The following DIAPH3 variants were observed in gnomAD, a reference collection of about 807,000 sequenced individuals.
DIAPH3 encodes diaphanous related formin 3.
DIAPH3 carries 117 observed loss-of-function variants against 144.3 expected under a neutral mutation model. The ratio of observed to expected loss-of-function variants is 0.81; its 90% confidence interval spans 0.70 to 0.95. The LOEUF is 0.95. DIAPH3 is among the 40% of genes least tolerant of loss of function. DIAPH3 has a pLI of 0.00. For synonymous variants in DIAPH3, 519 were observed against 488.9 expected (o/e 1.06, Z -0.81); for missense variants, 1,421 against 1,412.7 (o/e 1.01, Z -0.09).
At chr13:59,732,464 A>G (rs1168008914) in intron 27 of DIAPH3, among the ~76,000 whole-genome samples, 1 of 149,896 alleles carries the variant, frequency 6.7e-6, no homozygotes, top group Non-Finnish European at 1.5e-5. Context: ...TTTTTTTGAG[A>G]CAGAGTCTCA....
At chr13:59,795,066 TCTC>T (rs1255563841) in intron 25 of DIAPH3, among the ~76,000 whole-genome samples, 4 of 152,200 alleles carry the variant, frequency 2.6e-5, no homozygotes, top group East Asian at 1.9e-4. Context: ...GCTCCACACA[TCTC>T]CTCACTCTGT....
chr13:59,896,006 C>T (rs2046072289), intron 20 of DIAPH3, among the ~76,000 whole-genome samples: 1 of 152,178 alleles, frequency 6.6e-6, no homozygotes, highest in South Asian at 2.1e-4. Flanking sequence ...CTTTTTCCCA[C>T]CTCCTGTGTG....
Position 59,980,658 on chromosome 13 carries a change from C to T in DIAPH3, c.1545+137G>A, listed in dbSNP as rs941473985. On this transcript the variant is annotated intron_variant, in intron 14 of 27. Coordinates refer to ENST00000400324, the MANE Select transcript of DIAPH3 (RefSeq NM_001042517.2). ...AAGACTTTTTAGATACAGTAGTCCT[C>T]CTTGGTGGAGGGCATCTATGCACAC... The T allele has an allele frequency of 9.2e-6, 7 of 761,764 alleles. No homozygotes were observed. The African/African-American group carries it at 1.2e-4, about 13-fold the overall frequency. The allele number at this position is 761,764 out of a possible 1,614,324, so 47.2% of individuals were successfully genotyped here. A position where few individuals can be genotyped will look rare whatever the true frequency, so the allele number is the denominator to read the frequency against.
At chr13:60,087,948 T>C (rs549389031) in intron 4 of DIAPH3, among the ~76,000 whole-genome samples, 1 of 151,706 alleles carries the variant, frequency 6.6e-6, no homozygotes, top group Non-Finnish European at 1.5e-5. Context: ...AGGTGAGGAG[T>C]CTATCACAAC....
chr13:59,858,177 G>C (rs1460293485), intron 22 of DIAPH3, among the ~76,000 whole-genome samples: 1 of 152,062 alleles, frequency 6.6e-6, no homozygotes, highest in African/African-American at 2.4e-5. Context: ...AGAAGATCTA[G>C]GGAGAAAAGA....
intron 21 of DIAPH3, 27 bp from the exon 22 acceptor site, chr13:59,861,563 C>A (rs763539447): frequency 6.2e-7 from 1 of 1,602,534 alleles, no homozygotes; most frequent in East Asian, 2.2e-5. Flanking sequence ...GGAGAAAAAA[C>A]ACAGAGTCAT....
intron 17 of DIAPH3, among the ~76,000 whole-genome samples, chr13:59,931,196 TCTAGTC>T: frequency 6.6e-6 from 1 of 152,186 alleles, no homozygotes; most frequent in Non-Finnish European, 1.5e-5. Context: ...CATCAGTGAA[TCTAGTC>T]GATTCTAACT....
chr13:60,023,850 CTTTTTTTTTTT>C (rs35707483), intron 5 of DIAPH3, among the ~76,000 whole-genome samples: 2 of 68,874 alleles, frequency 2.9e-5, no homozygotes, highest in African/African-American at 6.1e-5. Context: ...ACTATTCAGC[CTTTTTTTTTTT>C]TTTTTTTTTT....
intron 1 of DIAPH3, among the ~76,000 whole-genome samples, chr13:60,141,223 C>A (rs1277298525): frequency 6.6e-6 from 1 of 152,036 alleles, no homozygotes; most frequent in Non-Finnish European, 1.5e-5. Flanking sequence ...ATACCACTTA[C>A]TAGATAATTC....
At chr13:59,795,576 C>T (rs1362493919) in intron 25 of DIAPH3, among the ~76,000 whole-genome samples, 2 of 151,898 alleles carry the variant, frequency 1.3e-5, no homozygotes, top group Non-Finnish European at 2.9e-5. Context: ...GCCTCAGCCT[C>T]CTGAGTAGCT....
At chr13:60,125,394 ATTTTTTT>A (rs56267083) in intron 2 of DIAPH3, among the ~76,000 whole-genome samples, 5 of 97,866 alleles carry the variant, frequency 5.1e-5, no homozygotes, top group East Asian at 4.2e-4. Context: ...CACCCAGCTA[ATTTTTTT>A]TTTTTTTTTT....
chr13:59,724,371 C>A (rs117840827), intron 27 of DIAPH3, among the ~76,000 whole-genome samples: 6,515 of 152,154 alleles, frequency 0.043, 232 homozygotes, highest in South Asian at 0.11. Context: ...TTTAAGACAC[C>A]TGTTTTCAGA....
chr13:59,808,451 C>A (rs1240351766), intron 25 of DIAPH3, among the ~76,000 whole-genome samples: 1 of 151,792 alleles, frequency 6.6e-6, no homozygotes, highest in Non-Finnish European at 1.5e-5. Context: ...AATATTCAAC[C>A]AAGGCACAAT....
chr13:59,939,802 A>G (rs1178514669), intron 17 of DIAPH3, among the ~76,000 whole-genome samples: 1 of 151,266 alleles, frequency 6.6e-6, no homozygotes, highest in Non-Finnish European at 1.5e-5. Flanking sequence ...GTTAAACAAT[A>G]CATATGTATA....
At chr13:59,802,680 T>A (rs1180396243) in intron 25 of DIAPH3, among the ~76,000 whole-genome samples, 7 of 73,414 alleles carry the variant, frequency 9.5e-5, no homozygotes, top group African/African-American at 3.4e-4. Context: ...TTTTTTTTTT[T>A]TTTTTTTTTT....
intron 17 of DIAPH3, among the ~76,000 whole-genome samples, chr13:59,930,012 C>T (rs776175761): frequency 6.6e-6 from 1 of 152,140 alleles, no homozygotes; most frequent in East Asian, 1.9e-4. Flanking sequence ...ACTTCCTTAT[C>T]ATAAACATGG....
At chr13:60,054,745 C>T (rs2056491513) in intron 4 of DIAPH3, among the ~76,000 whole-genome samples, 1 of 151,948 alleles carries the variant, frequency 6.6e-6, no homozygotes, top group Non-Finnish European at 1.5e-5. Context: ...TACTATCATG[C>T]ATATTACTAT....
chr13:59,950,902 G>GA (rs2049059616), intron 17 of DIAPH3, among the ~76,000 whole-genome samples: 1 of 151,974 alleles, frequency 6.6e-6, no homozygotes, highest in Admixed American at 6.6e-5. Context: ...AAGCTTAAAG[G>GA]AAATTTAAAT....
At position 59,786,771 on chromosome 13, in the gene DIAPH3, G is replaced by C. The variant is rs998816492; in HGVS notation, c.3164-11948C>G. Among the ~76,000 whole-genome samples, 8 of 152,286 alleles carry C rather than the reference G, an allele frequency of 5.3e-5. No individual in the cohort carries two copies. In the East Asian group the frequency reaches 5.8e-4, roughly 11 times the overall value. ...TCTGTGTGTATGTGTTTAGGGAGAG[G>C]GGGTAGAGAAGGTGGCTCTGTGGTC... On this transcript the variant is annotated intron_variant, in intron 25 of 27. Coordinates refer to ENST00000400324, the MANE Select transcript of DIAPH3 (RefSeq NM_001042517.2).
Sources: allele counts gnomAD v4.1 joint callset (sites outside exome capture counted in the v4.1 genomes callset), GRCh38; gene constraint gnomAD v4.1.1; transcripts MANE v1.5; gene names NCBI Gene and HGNC (gene_info 2026-07-23, HGNC 2026-07-21).